ADAMTS17: variants seen among roughly 807,000 people sequenced by gnomAD.
ADAMTS17 encodes A disintegrin and metalloproteinase with thrombospondin motifs 17.
In ADAMTS17, 113 loss-of-function variants were observed where a neutral mutation model predicts 141.5. The ratio of observed to expected loss-of-function variants is 0.80; its 90% CI spans 0.69 to 0.93. ADAMTS17 has a LOEUF of 0.93. Ranked by LOEUF, ADAMTS17 falls within the 40% of genes least tolerant of loss-of-function variation. The pLI is 0.00. For missense variants in ADAMTS17, 1,659 were observed against 1,517.9 expected (o/e 1.09, Z -1.54); for synonymous variants, 768 against 630.6 (o/e 1.22, Z -3.27).
intron 21 of ADAMTS17, 138 bp downstream of exon 21, chr15:99,975,907 C>CTGACAAATGTCAGCCTTATG (rs2060313129): frequency 1.0e-6 from 1 of 999,496 alleles, no homozygotes; most frequent in South Asian, 1.7e-5. Flanking sequence ...TTCTACAGAA[C>CTGACAAATGTCAGCCTTATG]TGACAAATGT....
At chr15:100,078,766 G>C (rs28822392) in intron 15 of ADAMTS17, among the ~76,000 whole-genome samples, 14 of 151,990 alleles carry the variant, frequency 9.2e-5, no homozygotes, top group Non-Finnish European at 1.3e-4. Flanking sequence ...ATACCATCAA[G>C]AGAGTGAAAA....
intron 20 of ADAMTS17, among the ~76,000 whole-genome samples, chr15:99,992,692 A>G (rs888469585): frequency 6.6e-6 from 1 of 152,130 alleles, no homozygotes; most frequent in Non-Finnish European, 1.5e-5. Flanking sequence ...GTTTGCCCCA[A>G]GTGTCCCCAT....
At chr15:99,975,543 A>C (rs1384417640) in intron 21 of ADAMTS17, among the ~76,000 whole-genome samples, 1 of 151,940 alleles carries the variant, frequency 6.6e-6, no homozygotes, top group Non-Finnish European at 1.5e-5. Flanking sequence ...TCCTTGTATC[A>C]CCACTGACCT....
chr15:100,310,249 C>T (rs571474835), intron 3 of ADAMTS17, among the ~76,000 whole-genome samples: 38 of 152,300 alleles, frequency 2.5e-4, no homozygotes, highest in African/African-American at 8.4e-4. Flanking sequence ...CAGGAGACTC[C>T]GAACCTAAGC....
intron 13 of ADAMTS17, among the ~76,000 whole-genome samples, chr15:100,112,037 T>C (rs2036818295): frequency 6.6e-6 from 1 of 152,178 alleles, no homozygotes; most frequent in South Asian, 2.1e-4. Flanking sequence ...GGCTTCCGAG[T>C]GTATCCTCTG....
At chr15:100,146,173 C>A (rs2038893973) in intron 10 of ADAMTS17, among the ~76,000 whole-genome samples, 1 of 151,932 alleles carries the variant, frequency 6.6e-6, no homozygotes, top group Admixed American at 6.6e-5. Context: ...AACTCCATCT[C>A]CAAAAAAACA....
chr15:100,102,680 C>A (rs116159277), intron 14 of ADAMTS17, among the ~76,000 whole-genome samples: 2 of 152,254 alleles, frequency 1.3e-5, no homozygotes, highest in African/African-American at 4.8e-5. Context: ...GTAACTAGTG[C>A]GAGGGAAATT....
chr15:100,143,983 G>C (rs2038779749), intron 10 of ADAMTS17, among the ~76,000 whole-genome samples: 2 of 152,198 alleles, frequency 1.3e-5, no homozygotes, highest in African/African-American at 4.8e-5. Context: ...CCCAGCACCT[G>C]GTCATTCTGT....
intron 10 of ADAMTS17, among the ~76,000 whole-genome samples, chr15:100,140,478 C>CAT (rs1450930260): frequency 1.6e-4 from 11 of 69,006 alleles, no homozygotes; most frequent in Non-Finnish European, 3.4e-4. Flanking sequence ...CAGACACACA[C>CAT]ACATACATAC....
chr15:100,088,045 A>G (rs1178387277), intron 15 of ADAMTS17, among the ~76,000 whole-genome samples: 1 of 152,228 alleles, frequency 6.6e-6, no homozygotes, highest in Admixed American at 6.5e-5. Flanking sequence ...GAGGAAGTCA[A>G]ATTGTCCCTG....
chr15:100,118,219 G>C (rs554319187), intron 12 of ADAMTS17, among the ~76,000 whole-genome samples: 10 of 152,206 alleles, frequency 6.6e-5, no homozygotes, highest in Non-Finnish European at 1.3e-4. Context: ...AGCAGCTAGA[G>C]ATAACATGTA....
chr15:100,086,660 T>A (rs1289240627), intron 15 of ADAMTS17, among the ~76,000 whole-genome samples: 4 of 152,108 alleles, frequency 2.6e-5, no homozygotes, highest in Non-Finnish European at 4.4e-5. Context: ...CACAGTGCAA[T>A]CAAACTAGAA....
chr15:99,987,588 C>T (rs575570497), intron 20 of ADAMTS17, among the ~76,000 whole-genome samples: 4 of 152,246 alleles, frequency 2.6e-5, no homozygotes, highest in South Asian at 4.1e-4. Flanking sequence ...AGCTGGACAG[C>T]AAAGATGACA....
At chr15:100,098,163 G>A (rs1312518864) in intron 14 of ADAMTS17, among the ~76,000 whole-genome samples, 2 of 152,196 alleles carry the variant, frequency 1.3e-5, no homozygotes, top group Non-Finnish European at 2.9e-5. Flanking sequence ...CTGGGGAGAT[G>A]TAGGTAACAC....
chr15:100,176,075 A>G (rs112937877), intron 8 of ADAMTS17, among the ~76,000 whole-genome samples: 22 of 152,278 alleles, frequency 1.4e-4, no homozygotes, highest in African/African-American at 5.1e-4. Context: ...CATGAGGTGG[A>G]TGGTAAAAGA....
chr15:100,219,776 T>C (rs116079423), intron 7 of ADAMTS17, among the ~76,000 whole-genome samples: 1 of 152,210 alleles, frequency 6.6e-6, no homozygotes, highest in Non-Finnish European at 1.5e-5. Flanking sequence ...CTGGGAATGC[T>C]AGAAACCTGG....
chr15:100,041,982 G>T (rs1317665710), intron 18 of ADAMTS17, among the ~76,000 whole-genome samples: 1 of 152,138 alleles, frequency 6.6e-6, no homozygotes, highest in African/African-American at 2.4e-5. Flanking sequence ...TTCAACAGTG[G>T]GTTGCATTCT....
At chr15:100,137,784 G>A (rs766445833) in intron 10 of ADAMTS17, among the ~76,000 whole-genome samples, 7 of 152,142 alleles carry the variant, frequency 4.6e-5, no homozygotes, top group Admixed American at 1.3e-4. Context: ...AAGGGCAGGC[G>A]TTGGTTGCCA....
At chr15:100,250,252 T>C (rs1466081009) in intron 7 of ADAMTS17, among the ~76,000 whole-genome samples, 1 of 152,212 alleles carries the variant, frequency 6.6e-6, no homozygotes, top group Non-Finnish European at 1.5e-5. Flanking sequence ...AAAAAAACGC[T>C]GTTATATACC....
Sources: gnomAD v4.1 joint callset for allele counts (sites outside exome capture counted in the v4.1 genomes callset) on GRCh38, gnomAD v4.1.1 for gene constraint, MANE v1.5 for transcripts, NCBI Gene and HGNC (gene_info 2026-07-23, HGNC 2026-07-21) for gene names.